The following NEDD4 variants were observed in gnomAD, a reference collection of about 807,000 sequenced individuals.
The protein encoded by NEDD4 is NEDD4 E3 ubiquitin protein ligase, also known as E3 ubiquitin-protein ligase NEDD4.
NEDD4 carries 99 observed loss-of-function variants against 144.9 expected under a neutral mutation model. That is an observed-to-expected ratio of 0.68 (90% CI 0.58 to 0.81). The LOEUF (loss-of-function observed/expected upper bound fraction) is 0.81. Among genes scored for constraint, NEDD4 ranks in the 30% least tolerant of loss-of-function variants. The probability of loss-of-function intolerance (pLI) is 0.00; values close to 1 mark genes in which losing one functional copy is unlikely to be tolerated. For missense variants in NEDD4, 985 were observed against 1,065.9 expected (o/e 0.92, Z 1.06); for synonymous variants, 318 against 350.6 (o/e 0.91, Z 1.04).
At chr15:55,870,529 CTTTTTT>C (rs58174546) in intron 7 of NEDD4, among the ~76,000 whole-genome samples, 1 of 117,420 alleles carries the variant, frequency 8.5e-6, no homozygotes, top group African/African-American at 3.3e-5. Flanking sequence ...TCTTCTTCTT[CTTTTTT>C]TTTTTTTTTT....
chr15:55,951,054 T>C (rs1418550637), intron 4 of NEDD4, among the ~76,000 whole-genome samples: 1 of 152,160 alleles, frequency 6.6e-6, no homozygotes, highest in Non-Finnish European at 1.5e-5. Context: ...CCCTAATCTG[T>C]TTAATAATAA....
intron 5 of NEDD4, among the ~76,000 whole-genome samples, chr15:55,879,935 G>C (rs1309963746): frequency 6.6e-6 from 1 of 152,058 alleles, no homozygotes; most frequent in East Asian, 1.9e-4. Context: ...AGGAAAGGGA[G>C]GACATTATCA....
intron 2 of NEDD4, among the ~76,000 whole-genome samples, chr15:55,964,710 TG>T (rs2037483784): frequency 6.6e-6 from 1 of 150,958 alleles, no homozygotes; most frequent in Non-Finnish European, 1.5e-5. Context: ...TGTGTGTGTG[TG>T]TGTGTGTGTG....
intron 21 of NEDD4, among the ~76,000 whole-genome samples, chr15:55,839,983 AAAAAAAAAAAAAAAAAAT>A (rs1179130316): frequency 1.1e-4 from 5 of 46,184 alleles, no homozygotes; most frequent in African/African-American, 4.4e-4. Context: ...CAAAAAAAAA[AAAAAAAAAAAAAAAAAAT>A]ATATATATAT....
At chr15:55,883,407 G>C (rs1353516997) in intron 5 of NEDD4, among the ~76,000 whole-genome samples, 1 of 152,166 alleles carries the variant, frequency 6.6e-6, no homozygotes, top group African/African-American at 2.4e-5. Context: ...TCTGACTCCA[G>C]GCCCTGACTT....
chr15:55,838,448 T>C, intron 22 of NEDD4, 61 bp downstream of exon 22: 1 of 1,156,598 alleles, frequency 8.6e-7, no homozygotes, highest in Non-Finnish European at 1.3e-6. Context: ...GTGTACGTAT[T>C]AACATCTAAA....
At chr15:55,933,828 T>C (rs532321537) in intron 4 of NEDD4, among the ~76,000 whole-genome samples, 2 of 152,314 alleles carry the variant, frequency 1.3e-5, no homozygotes, top group Admixed American at 6.5e-5. Flanking sequence ...CATGCTAAAC[T>C]GTGAGTCAAT....
rs150534269 is a variant in NEDD4, at chr15:55,831,245, T to C, written c.2528-659A>G. On this transcript the variant is annotated intron_variant, in intron 27 of 28. Coordinates refer to ENST00000435532, the MANE Select transcript of NEDD4 (RefSeq NM_006154.4). ...GCCTTAACATACTTTTTATTGGCTA[T>C]CTAATATTGTAATTTTAACATTTTG... Among the ~76,000 whole-genome samples the C allele has an allele frequency of 1.2e-3, 189 of 152,320 alleles. 1 individual carries two copies. Among genetic ancestry groups the C allele is most frequent in the Non-Finnish European group, 2.3e-3 (157 of 68,020 alleles).
chr15:55,921,593 C>T (rs755854909), intron 5 of NEDD4, among the ~76,000 whole-genome samples: 3 of 152,120 alleles, frequency 2.0e-5, no homozygotes, highest in South Asian at 2.1e-4. Context: ...ACCTCCTGAT[C>T]CACCCGCCTC....
At chr15:55,974,887 CTTTCTT>C (rs2037672940) in intron 1 of NEDD4, among the ~76,000 whole-genome samples, 1 of 72,166 alleles carries the variant, frequency 1.4e-5, no homozygotes, top group Non-Finnish European at 2.7e-5. Context: ...ATTTCTTTTC[CTTTCTT>C]TTTTTTTTTT....
At chr15:55,991,812 G>A (rs916018541) in intron 1 of NEDD4, 2 of 152,186 alleles carry the variant, frequency 1.3e-5, no homozygotes, top group African/African-American at 4.8e-5. Context: ...GCCACAATTA[G>A]TTTTATTTCA....
At chr15:55,951,347 C>T in intron 4 of NEDD4, 29 bp downstream of exon 4, 2 of 836,176 alleles carry the variant, frequency 2.4e-6, no homozygotes, top group Non-Finnish European at 3.6e-6. Context: ...TTACTTTTTC[C>T]ACTTTAGTAA....
chr15:55,963,850 A>G (rs2037466039), intron 2 of NEDD4, among the ~76,000 whole-genome samples: 1 of 152,084 alleles, frequency 6.6e-6, no homozygotes, highest in Admixed American at 6.6e-5. Context: ...CTTTTTTTGG[A>G]AAATGTTATT....
At chr15:55,904,914 G>A (rs1229096172) in intron 5 of NEDD4, among the ~76,000 whole-genome samples, 11 of 151,908 alleles carry the variant, frequency 7.2e-5, no homozygotes, top group African/African-American at 2.2e-4. Flanking sequence ...CCAACATGGA[G>A]AAACCCCGTC....
rs184517445 is a variant in NEDD4, at chr15:55,990,507, A to T, written c.45+3004T>A. 9.2e-5 allele frequency among the ~76,000 whole-genome samples: 14 copies of T among 152,286 alleles called. No individual in the cohort carries two copies. The East Asian group carries it at 2.1e-3, about 23-fold the overall frequency. On this transcript the variant is annotated intron_variant, in intron 1 of 28. Transcript: ENST00000435532. ...GACTTCCTATCAATATGTACAAAGC[A>T]AGTTACCAGATACTGGAATACTTTC...
intron 5 of NEDD4, chr15:55,915,563 C>T (rs1481265408): frequency 6.2e-7 from 1 of 1,613,934 alleles, no homozygotes; most frequent in Admixed American, 1.7e-5. Context: ...GGGAGGATGG[C>T]AAACATGCAG....
chr15:55,910,925 C>T (rs557752987), intron 5 of NEDD4, among the ~76,000 whole-genome samples: 1 of 127,608 alleles, frequency 7.8e-6, no homozygotes, highest in East Asian at 2.4e-4. Context: ...TAAAGACCTC[C>T]ATTGCCCAAC....
rs190593362 is a variant in NEDD4 at position 55,840,190 on chromosome 15, A to G, written c.2031+257T>C. ...GAAACTAAGACAGACTGATGGATAG[A>G]CAGATAGGTATGTGATAAAGTAAAT... is the stretch of plus-strand genomic sequence containing the variant. On this transcript the variant is annotated intron_variant, in intron 21 of 28. Coordinates refer to ENST00000435532, the MANE Select transcript of NEDD4 (RefSeq NM_006154.4). Among the ~76,000 whole-genome samples the G allele has an allele frequency of 1.9e-3, 286 of 151,418 alleles. 3 individuals carry two copies. The highest frequency in any genetic ancestry group is 6.5e-3 in the African/African-American group (270 of 41,258).
intron 5 of NEDD4, among the ~76,000 whole-genome samples, chr15:55,882,352 T>C (rs1255770642): frequency 6.6e-6 from 1 of 152,132 alleles, no homozygotes; most frequent in Admixed American, 6.5e-5. Context: ...GGAGAATCCG[T>C]GCACTTAGGG....
Sources: allele counts gnomAD v4.1 joint callset (sites outside exome capture counted in the v4.1 genomes callset), GRCh38; gene constraint gnomAD v4.1.1; transcripts MANE v1.5; gene names NCBI Gene and HGNC (gene_info 2026-07-23, HGNC 2026-07-21).